Variants in THSD4 observed in about 807,000 individuals in gnomAD.
The protein encoded by THSD4 is thrombospondin type 1 domain containing 4.
In THSD4, 69 loss-of-function variants were observed where a neutral mutation model predicts 119.0. The observed-to-expected ratio is 0.58, with a 90% CI of 0.48 to 0.71. THSD4 has a LOEUF of 0.71. Ranked by LOEUF, THSD4 falls within the 30% of genes least tolerant of loss-of-function variation. The probability of loss-of-function intolerance (pLI) is 0.00; values close to 1 mark genes in which losing one functional copy is unlikely to be tolerated. For missense variants in THSD4, 1,393 were observed against 1,391.1 expected, an observed-to-expected ratio of 1.00 and a Z score of -0.02; for synonymous variants, 524 against 540.4, an observed-to-expected ratio of 0.97 and a Z score of 0.42.
chr15:71,721,038 AAG>A (rs1302337427), intron 8 of THSD4, among the ~76,000 whole-genome samples: 2 of 152,192 alleles, frequency 1.3e-5, no homozygotes, highest in East Asian at 3.8e-4. Flanking sequence ...TTGTAGGAAC[AAG>A]TGGTTGGGTC....
chr15:71,173,436 T>C (rs1416776765), intron 3 of THSD4, among the ~76,000 whole-genome samples: 3 of 151,820 alleles, frequency 2.0e-5, no homozygotes, highest in Non-Finnish European at 2.9e-5. Flanking sequence ...TGTTAAAATA[T>C]CAGTACTATG....
At chr15:71,301,743 G>T in intron 6 of THSD4, among the ~76,000 whole-genome samples, 1 of 152,156 alleles carries the variant, frequency 6.6e-6, no homozygotes, top group Admixed American at 6.5e-5. Flanking sequence ...TGAGATTTGA[G>T]TTACAATGCA....
At chr15:71,742,275 G>A (rs1174296603) in intron 11 of THSD4, among the ~76,000 whole-genome samples, 2 of 152,202 alleles carry the variant, frequency 1.3e-5, no homozygotes, top group African/African-American at 2.4e-5. Flanking sequence ...CTCAGGGAAG[G>A]GCCCTGTTGC....
intron 3 of THSD4, among the ~76,000 whole-genome samples, chr15:71,179,995 G>T (rs905884784): frequency 2.0e-5 from 2 of 98,512 alleles, no homozygotes; most frequent in African/African-American, 7.9e-5. Context: ...ACTGTGGTGG[G>T]GTCGGGGGAG....
chr15:71,608,249 T>TATATACACACACAC (rs772729777), intron 7 of THSD4, among the ~76,000 whole-genome samples: 4 of 106,240 alleles, frequency 3.8e-5, no homozygotes, highest in Admixed American at 3.5e-4. Context: ...TATATATATA[T>TATATACACACACAC]ACACACACAC....
intron 7 of THSD4, among the ~76,000 whole-genome samples, chr15:71,597,331 T>C (rs1324983938): frequency 6.6e-6 from 1 of 152,096 alleles, no homozygotes; most frequent in East Asian, 1.9e-4. Flanking sequence ...ACCTTGCAAA[T>C]TTTCAGAGAT....
chr15:71,747,336 G>A (rs2053359802), intron 13 of THSD4, among the ~76,000 whole-genome samples: 1 of 152,282 alleles, frequency 6.6e-6, no homozygotes, highest in South Asian at 2.1e-4. Flanking sequence ...GCAACTGCTG[G>A]TAGAGCCAAC....
chr15:71,334,045 T>A (rs2045461724), intron 6 of THSD4, among the ~76,000 whole-genome samples: 1 of 152,094 alleles, frequency 6.6e-6, no homozygotes, highest in Non-Finnish European at 1.5e-5. Flanking sequence ...TAGTTTCGAG[T>A]TGAGTTGATG....
intron 6 of THSD4, among the ~76,000 whole-genome samples, chr15:71,275,559 A>C (rs779020677): frequency 1.3e-5 from 2 of 152,200 alleles, no homozygotes; most frequent in South Asian, 4.1e-4. Flanking sequence ...TTATATTTAA[A>C]TTACACATTC....
chr15:71,530,748 T>C (rs2140811976), intron 7 of THSD4, among the ~76,000 whole-genome samples: 1 of 152,144 alleles, frequency 6.6e-6, no homozygotes, highest in Non-Finnish European at 1.5e-5. Flanking sequence ...TTGCTCTCTT[T>C]CACTCATATG....
chr15:71,409,031 T>G (rs1340108928), intron 6 of THSD4, among the ~76,000 whole-genome samples: 1 of 152,124 alleles, frequency 6.6e-6, no homozygotes, highest in Non-Finnish European at 1.5e-5. Flanking sequence ...TCGGAGAAGG[T>G]GGACCCAGTG....
At chr15:71,691,206 G>A (rs374728997) in intron 8 of THSD4, among the ~76,000 whole-genome samples, 6 of 152,284 alleles carry the variant, frequency 3.9e-5, no homozygotes, top group Non-Finnish European at 8.8e-5. Context: ...TAAAGCTTCC[G>A]TAAAGGAACA....
At chr15:71,301,318 G>T (rs1241032200) in intron 6 of THSD4, among the ~76,000 whole-genome samples, 1 of 152,014 alleles carries the variant, frequency 6.6e-6, no homozygotes, top group Non-Finnish European at 1.5e-5. Flanking sequence ...CAGCTTTTAG[G>T]CCAACAAAGA....
At chr15:71,676,461 T>C (rs538114656) in intron 8 of THSD4, among the ~76,000 whole-genome samples, 107 of 152,288 alleles carry the variant, frequency 7.0e-4, no homozygotes, top group African/African-American at 2.5e-3. Context: ...TTTGTATTTT[T>C]AGTAGAGACA....
chr15:71,698,112 C>G (rs1403772886), intron 8 of THSD4, among the ~76,000 whole-genome samples: 1 of 152,254 alleles, frequency 6.6e-6, no homozygotes, highest in East Asian at 1.9e-4. Flanking sequence ...GTGGCACACT[C>G]CTTGAAAATC....
At chr15:71,135,237 G>C (rs1442655873) in intron 1 of THSD4, among the ~76,000 whole-genome samples, 1 of 121,574 alleles carries the variant, frequency 8.2e-6, no homozygotes, top group Non-Finnish European at 1.7e-5. Flanking sequence ...GTAGGGGGGA[G>C]GGGTAGCATT....
chr15:71,734,288 C>T lies in THSD4; in HGVS notation c.1630+3071C>T, dbSNP rs186556919. On this transcript the variant is annotated intron_variant, in intron 10 of 17. Coordinates refer to ENST00000261862, the MANE Select transcript of THSD4 (RefSeq NM_024817.3). ...AGAAGTCCTTCAGTAGGTGGATAGA[C>T]AAAAACTAATGGAATATTATTTAGG... Among the ~76,000 whole-genome samples the T allele has an allele frequency of 1.8e-3, 277 of 152,158 alleles. 1 individual carries two copies. Among genetic ancestry groups the T allele is most frequent in the African/African-American group, 6.3e-3 (260 of 41,504 alleles).
At chr15:71,242,564 C>T in intron 4 of THSD4, 85 bp from the exon 5 acceptor site, 3 of 1,435,056 alleles carry the variant, frequency 2.1e-6, no homozygotes, top group Non-Finnish European at 2.9e-6. Flanking sequence ...CCTACCTGGT[C>T]CTCTCTACCA....
chr15:71,115,489 C>T lies in THSD4; in HGVS notation c.-289C>T, dbSNP rs1325220762. On this transcript the variant is annotated 5_prime_UTR_variant, in exon 1 of 18. Coordinates refer to ENST00000261862, the MANE Select transcript of THSD4 (RefSeq NM_024817.3). The surrounding 1 kb of genome is among the most constrained non-coding windows in gnomAD (Gnocchi z 4.4). ...TCGGATCGCAAACTCTGAGCCAGAG[C>T]TCTCCGCGCGCGCCTGAACCGCTGG... is the stretch of plus-strand genomic sequence containing the variant. The T allele has an allele frequency of 5.9e-5, 9 of 152,050 alleles. No individual in the cohort carries two copies. The highest frequency in any genetic ancestry group is 1.0e-4 in the Non-Finnish European group (7 of 68,006). The allele number at this position is 152,050 out of a possible 1,614,324, so 9.4% of individuals were successfully genotyped here. A position where few individuals can be genotyped will look rare whatever the true frequency, so the allele number is the denominator to read the frequency against.
Sources: allele counts gnomAD v4.1 joint callset (sites outside exome capture counted in the v4.1 genomes callset), GRCh38; gene constraint gnomAD v4.1.1; non-coding constraint Gnocchi (gnomAD v3.1); transcripts MANE v1.5; gene names NCBI Gene and HGNC (gene_info 2026-07-23, HGNC 2026-07-21).